QTMAN: variants seen among roughly 807,000 people sequenced by gnomAD.
The protein encoded by QTMAN is queuosine-tRNA mannosyltransferase, also known as tRNA-queuosine alpha-mannosyltransferase.
the QTMAN span, among the ~76,000 whole-genome samples, chr2:144,086,085 A>C: frequency 6.6e-6 from 1 of 152,184 alleles, no homozygotes; most frequent in Non-Finnish European, 1.5e-5. Flanking sequence ...TTTGCTAAAA[A>C]TCACCTCAAC....
At chr2:144,275,319 G>A in the QTMAN span, among the ~76,000 whole-genome samples, 13 of 152,050 alleles carry the variant, frequency 8.5e-5, no homozygotes, top group African/African-American at 3.1e-4. Context: ...GGGAGGTGGA[G>A]GTTGCAGTAA....
the QTMAN span, among the ~76,000 whole-genome samples, chr2:144,221,994 T>G: frequency 6.6e-6 from 1 of 152,164 alleles, no homozygotes; most frequent in African/African-American, 2.4e-5. Context: ...TGTTAGAAAC[T>G]AAAATAATTA....
the QTMAN span, among the ~76,000 whole-genome samples, chr2:143,965,894 C>T: frequency 1.3e-5 from 2 of 152,190 alleles, no homozygotes; most frequent in Admixed American, 6.5e-5. Flanking sequence ...GACATAGTTG[C>T]TAGATGCGTC....
the QTMAN span, among the ~76,000 whole-genome samples, chr2:144,066,035 G>A: frequency 1.3e-5 from 2 of 152,078 alleles, no homozygotes; most frequent in African/African-American, 2.4e-5. Context: ...TCTGGGAAGA[G>A]TATTGGGTAA....
chr2:144,079,739 T>C, the QTMAN span, among the ~76,000 whole-genome samples: 10 of 152,134 alleles, frequency 6.6e-5, no homozygotes, highest in Admixed American at 4.6e-4. Flanking sequence ...AAGTTCATTG[T>C]ATCTTACTGC....
the QTMAN span, among the ~76,000 whole-genome samples, chr2:143,981,338 T>C: frequency 6.9e-6 from 1 of 145,184 alleles, no homozygotes; most frequent in African/African-American, 2.6e-5. Flanking sequence ...AAGAACCATG[T>C]TTTTTTTTTT....
At chr2:144,205,034 C>T in the QTMAN span, among the ~76,000 whole-genome samples, 1 of 151,794 alleles carries the variant, frequency 6.6e-6, no homozygotes. Context: ...AAGAGATATA[C>T]CTAATGTTAA....
At chr2:144,238,536 T>A in the QTMAN span, among the ~76,000 whole-genome samples, 4 of 152,172 alleles carry the variant, frequency 2.6e-5, no homozygotes, top group Non-Finnish European at 4.4e-5. Flanking sequence ...ACTCTACATA[T>A]GAAAATTCTC....
chr2:144,252,328 T>TCATG, the QTMAN span, among the ~76,000 whole-genome samples: 3 of 152,004 alleles, frequency 2.0e-5, no homozygotes, highest in Non-Finnish European at 2.9e-5. Flanking sequence ...TGAGCTAGAA[T>TCATG]CATGACACTG....
At chr2:143,999,048 C>G in the QTMAN span, among the ~76,000 whole-genome samples, 1 of 151,876 alleles carries the variant, frequency 6.6e-6, no homozygotes, top group Non-Finnish European at 1.5e-5. Context: ...ACTAAGTACC[C>G]CTAATTGCCA....
the QTMAN span, among the ~76,000 whole-genome samples, chr2:144,276,667 C>G: frequency 6.6e-6 from 1 of 152,122 alleles, no homozygotes; most frequent in South Asian, 2.1e-4. Flanking sequence ...AAAATTTACT[C>G]ATCAAAAATT....
chr2:144,076,111 G>A, the QTMAN span, among the ~76,000 whole-genome samples: 1 of 152,210 alleles, frequency 6.6e-6, no homozygotes, highest in Non-Finnish European at 1.5e-5. Flanking sequence ...GCTGGGCGTG[G>A]TGGCGCGTGC....
the QTMAN span, chr2:144,332,646 C>T: frequency 6.6e-6 from 1 of 151,522 alleles, no homozygotes; most frequent in Non-Finnish European, 1.5e-5. Flanking sequence ...TCTGCGCCGC[C>T]CGGACTCCGC....
chr2:144,200,128 T>C, the QTMAN span, among the ~76,000 whole-genome samples: 1 of 152,208 alleles, frequency 6.6e-6, no homozygotes, highest in Non-Finnish European at 1.5e-5. Context: ...AATGGGCCAG[T>C]TAAGCAACAT....
At chr2:144,046,088 G>C in the QTMAN span, among the ~76,000 whole-genome samples, 1 of 152,104 alleles carries the variant, frequency 6.6e-6, no homozygotes, top group African/African-American at 2.4e-5. Flanking sequence ...TACATAAGGA[G>C]AATCATAACC....
the QTMAN span, among the ~76,000 whole-genome samples, chr2:143,959,289 A>G: frequency 6.6e-6 from 1 of 152,014 alleles, no homozygotes; most frequent in Admixed American, 6.6e-5. Flanking sequence ...TCAGTCTGAC[A>G]TTTTTTATAA....
the QTMAN span, among the ~76,000 whole-genome samples, chr2:144,265,438 C>T: frequency 3.3e-5 from 5 of 152,190 alleles, no homozygotes; most frequent in Admixed American, 6.5e-5. Flanking sequence ...TGGCTCACAC[C>T]TGTAATCCCA....
chr2:144,019,646 A>G, the QTMAN span, among the ~76,000 whole-genome samples: 2 of 152,150 alleles, frequency 1.3e-5, no homozygotes, highest in African/African-American at 4.8e-5. Flanking sequence ...AACCCCCTTG[A>G]TAACTTCTCT....
the QTMAN span, among the ~76,000 whole-genome samples, chr2:143,960,483 G>T: frequency 1.3e-5 from 2 of 152,082 alleles, no homozygotes. Context: ...ACCATATCAG[G>T]AAAGTCAGAA....
Sources: gnomAD v4.1 joint callset for allele counts (sites outside exome capture counted in the v4.1 genomes callset) on GRCh38, gnomAD v4.1.1 for gene constraint, MANE v1.5 for transcripts, NCBI Gene and HGNC (gene_info 2026-07-23, HGNC 2026-07-21) for gene names.